The following CMTM8 variants were observed in gnomAD, a reference collection of about 807,000 sequenced individuals.
CMTM8 encodes CKLF-like MARVEL transmembrane domain-containing protein 8.
In CMTM8, 12 loss-of-function variants were observed where a neutral mutation model predicts 18.6. That is an observed-to-expected ratio of 0.65 (90% CI 0.41 to 1.05). The LOEUF is 1.05. Ranked by LOEUF, CMTM8 falls within the 50% of genes least tolerant of loss-of-function variation. The pLI, the probability that CMTM8 is intolerant of heterozygous loss-of-function variation, is 0.00. For missense variants in CMTM8, 217 were observed against 227.2 expected, an observed-to-expected ratio of 0.95 and a Z score of 0.29; for synonymous variants, 87 against 90.6, an observed-to-expected ratio of 0.96 and a Z score of 0.23.
At chr3:32,265,060 C>A (rs1377019812) in intron 1 of CMTM8, among the ~76,000 whole-genome samples, 3 of 152,148 alleles carry the variant, frequency 2.0e-5, no homozygotes, top group Non-Finnish European at 2.9e-5. Flanking sequence ...ACAAAGTTAA[C>A]AAGGATATCC....
intron 1 of CMTM8, chr3:32,258,927 G>GC: frequency 9.9e-6 from 3 of 304,472 alleles, no homozygotes; most frequent in South Asian, 3.7e-5. Flanking sequence ...CCACCCCACT[G>GC]CCCCCGGACA....
At chr3:32,331,163 G>A (rs1398317001) in intron 1 of CMTM8, among the ~76,000 whole-genome samples, 5 of 152,168 alleles carry the variant, frequency 3.3e-5, no homozygotes, top group African/African-American at 1.2e-4. Flanking sequence ...AAGGACTTGA[G>A]TAGACATTTC....
chr3:32,347,281 G>GT (rs1696615403), intron 1 of CMTM8, among the ~76,000 whole-genome samples: 1 of 129,370 alleles, frequency 7.7e-6, no homozygotes, highest in South Asian at 2.8e-4. Context: ...TTTGGTTTTT[G>GT]GTTTTTTTTG....
chr3:32,309,811 T>C (rs1242012232), intron 1 of CMTM8, among the ~76,000 whole-genome samples: 1 of 152,204 alleles, frequency 6.6e-6, no homozygotes, highest in Non-Finnish European at 1.5e-5. Context: ...TTGGGGTTTA[T>C]GATTTCCTAA....
intron 1 of CMTM8, among the ~76,000 whole-genome samples, chr3:32,346,564 A>G (rs1696599692): frequency 6.6e-6 from 1 of 152,108 alleles, no homozygotes; most frequent in African/African-American, 2.4e-5. Context: ...GTGTCTTTAC[A>G]TGGCCTCACT....
rs529392604 is a variant in CMTM8 at position 32,315,854 on chromosome 3, C to A, written c.148-41519C>A. On this transcript the variant is annotated intron_variant, in intron 1 of 3. Transcript: ENST00000307526. ...GGAGTTGACAACCTATATTTTATTT[C>A]TTTTAAGAAACCCAGATGCCTCTCA... Among the ~76,000 whole-genome samples, 6 of 152,102 alleles carry A rather than the reference C, an allele frequency of 3.9e-5. No individual in the cohort carries two copies. In the South Asian group the frequency reaches 8.3e-4, roughly 21 times the overall value.
At chr3:32,293,319 G>A (rs1296372325) in intron 1 of CMTM8, among the ~76,000 whole-genome samples, 3 of 152,186 alleles carry the variant, frequency 2.0e-5, no homozygotes, top group African/African-American at 7.2e-5. Context: ...GGGAGGCTGA[G>A]GTGGGCAGAT....
At chr3:32,319,059 T>TAC (rs1393817439) in intron 1 of CMTM8, among the ~76,000 whole-genome samples, 417 of 40,918 alleles carry the variant, frequency 0.01, 10 homozygotes, top group African/African-American at 0.037. Context: ...TGTATATACA[T>TAC]ATATATATAT....
At chr3:32,297,369 G>C (rs188437348) in intron 1 of CMTM8, among the ~76,000 whole-genome samples, 32 of 152,232 alleles carry the variant, frequency 2.1e-4, no homozygotes, top group Admixed American at 3.9e-4. Context: ...TAGTAGAGGT[G>C]GGGTTTCACC....
rs754856970 is a variant in CMTM8, at chr3:32,352,204, CA to C, written c.148-5155del. Among the ~76,000 whole-genome samples the C allele has an allele frequency of 6.5e-3, 430 of 65,910 alleles. 2 individuals are homozygous for C. Among genetic ancestry groups the C allele is most frequent in the East Asian group, 0.023 (58 of 2,532 alleles). The allele number at this position is 65,910 out of a possible 152,430, so 43.2% of individuals were successfully genotyped here. A position where few individuals can be genotyped will look rare whatever the true frequency, so the allele number is the denominator to read the frequency against. Reference sequence around the variant, plus strand: ...AAAAACACACACACACACACACTCACAAAAAAAAAAAAAAGAAAAAAAACTA... The same window carrying C: ...AAAAACACACACACACACACACTCACAAAAAAAAAAAAAGAAAAAAAACTA... On this transcript the variant is annotated intron_variant, in intron 1 of 3. Coordinates refer to ENST00000307526, the MANE Select transcript of CMTM8 (RefSeq NM_178868.5).
chr3:32,294,613 C>G (rs570715796), intron 1 of CMTM8, among the ~76,000 whole-genome samples: 1 of 152,194 alleles, frequency 6.6e-6, no homozygotes, highest in East Asian at 1.9e-4. Flanking sequence ...TGATACTTCT[C>G]TAGGAGAAGC....
chr3:32,351,523 C>A (rs941547043), intron 1 of CMTM8, among the ~76,000 whole-genome samples: 9 of 151,996 alleles, frequency 5.9e-5, no homozygotes, highest in Admixed American at 5.9e-4. Context: ...GCCTGGGCAA[C>A]ATAGCGAGAC....
At chr3:32,326,572 A>G (rs1206829143) in intron 1 of CMTM8, among the ~76,000 whole-genome samples, 1 of 140,938 alleles carries the variant, frequency 7.1e-6, no homozygotes, top group Non-Finnish European at 1.5e-5. Flanking sequence ...GCTGGAGTGC[A>G]GTGGCGTGAT....
chr3:32,309,044 A>G (rs1308509800), intron 1 of CMTM8, among the ~76,000 whole-genome samples: 1 of 152,164 alleles, frequency 6.6e-6, no homozygotes, highest in Non-Finnish European at 1.5e-5. Flanking sequence ...TTGAAAGGTC[A>G]TTGGATGTTT....
intron 1 of CMTM8, among the ~76,000 whole-genome samples, chr3:32,355,425 A>G (rs1050270946): frequency 6.6e-6 from 1 of 151,832 alleles, no homozygotes; most frequent in African/African-American, 2.4e-5. Context: ...TCCTCCCCCA[A>G]CCCCATGTCT....
intron 1 of CMTM8, among the ~76,000 whole-genome samples, chr3:32,331,881 A>G (rs1575180308): frequency 6.6e-6 from 1 of 152,314 alleles, no homozygotes; most frequent in Non-Finnish European, 1.5e-5. Flanking sequence ...GGATAAAGAG[A>G]GGGTGCAAGG....
chr3:32,362,664 G>C (rs1437497420), intron 2 of CMTM8, among the ~76,000 whole-genome samples: 3 of 152,174 alleles, frequency 2.0e-5, no homozygotes, highest in Admixed American at 1.3e-4. Flanking sequence ...CCAGATGTTG[G>C]GTCTTGGCAG....
At chr3:32,240,142 GC>G (rs1701929210) in intron 1 of CMTM8, among the ~76,000 whole-genome samples, 1 of 152,330 alleles carries the variant, frequency 6.6e-6, no homozygotes, top group Admixed American at 6.5e-5. Context: ...CCATCATGGT[GC>G]AGAAGTGACT....
chr3:32,298,955 A>ATT (rs1287782949), intron 1 of CMTM8, among the ~76,000 whole-genome samples: 83 of 128,996 alleles, frequency 6.4e-4, no homozygotes, highest in African/African-American at 2.1e-3. Context: ...ATATATATAT[A>ATT]TTTTTTTTTT....
Sources: gnomAD v4.1 joint callset for allele counts (sites outside exome capture counted in the v4.1 genomes callset) on GRCh38, gnomAD v4.1.1 for gene constraint, MANE v1.5 for transcripts, NCBI Gene and HGNC (gene_info 2026-07-23, HGNC 2026-07-21) for gene names.